The following ZFPM2 variants were observed in gnomAD, a reference collection of about 807,000 sequenced individuals.
ZFPM2 encodes the protein zinc finger protein, FOG family member 2, also known as zinc finger protein ZFPM2.
A neutral mutation model predicts 98.6 loss-of-function variants in ZFPM2; 20 were observed. The ratio of observed to expected loss-of-function variants is 0.20; its 90% CI spans 0.14 to 0.29. The LOEUF is 0.29. Among genes scored for constraint, ZFPM2 ranks in the 10% least tolerant of loss-of-function variants. The pLI, the probability that ZFPM2 is intolerant of heterozygous loss-of-function variation, is 1.00. For missense variants in ZFPM2, 1,310 were observed against 1,388.6 expected, an observed-to-expected ratio of 0.94 and a Z score of 0.90; for synonymous variants, 518 against 502.7, an observed-to-expected ratio of 1.03 and a Z score of -0.41.
At chr8:105,534,135 CT>C (rs1814385340) in intron 3 of ZFPM2, among the ~76,000 whole-genome samples, 1 of 70,186 alleles carries the variant, frequency 1.4e-5, no homozygotes, top group Admixed American at 1.4e-4. Context: ...TCCTCCCTTC[CT>C]TCCTTTCTTC....
intron 3 of ZFPM2, among the ~76,000 whole-genome samples, chr8:105,449,878 G>A (rs551645388): frequency 1.3e-5 from 2 of 152,106 alleles, no homozygotes; most frequent in East Asian, 3.9e-4. Flanking sequence ...TACCTGTGTG[G>A]CCATTACAAT....
intron 3 of ZFPM2, among the ~76,000 whole-genome samples, chr8:105,445,673 T>C (rs1479312926): frequency 2.0e-5 from 3 of 150,962 alleles, no homozygotes; most frequent in African/African-American, 7.3e-5. Flanking sequence ...GGCATGATCT[T>C]GGCTCACTGC....
chr8:105,586,002 G>GGT (rs142133685), intron 4 of ZFPM2, among the ~76,000 whole-genome samples: 22,655 of 142,370 alleles, frequency 0.16, 1,839 homozygotes, highest in Middle Eastern at 0.25. Flanking sequence ...GGGGGGAAGG[G>GGT]GTGTGTGTGT....
intron 3 of ZFPM2, among the ~76,000 whole-genome samples, chr8:105,514,079 TACA>T (rs985521765): frequency 3.4e-5 from 5 of 148,164 alleles, no homozygotes; most frequent in African/African-American, 1.2e-4. Context: ...CTCAGCTCAC[TACA>T]ACCTTTGCCT....
At chr8:105,767,911 G>C (rs921563926) in intron 5 of ZFPM2, among the ~76,000 whole-genome samples, 3 of 151,860 alleles carry the variant, frequency 2.0e-5, no homozygotes, top group African/African-American at 7.3e-5. Context: ...AATGTACACA[G>C]AACTGGGACA....
chr8:105,355,664 AGAG>A, intron 1 of ZFPM2, among the ~76,000 whole-genome samples: 1 of 152,272 alleles, frequency 6.6e-6, no homozygotes, highest in South Asian at 2.1e-4. Flanking sequence ...TGGATGGAAA[AGAG>A]GAAATGACAA....
chr8:105,584,935 G>T (rs2130750753), intron 4 of ZFPM2, among the ~76,000 whole-genome samples: 1 of 152,252 alleles, frequency 6.6e-6, no homozygotes, highest in African/African-American at 2.4e-5. Context: ...ACTGTGTAAT[G>T]AGAGAAGTGC....
chr8:105,477,402 G>T (rs1468682949), intron 3 of ZFPM2, among the ~76,000 whole-genome samples: 1 of 151,708 alleles, frequency 6.6e-6, no homozygotes, highest in Non-Finnish European at 1.5e-5. Context: ...CTGCCACCAT[G>T]CCTGGCTAAT....
At chr8:105,358,054 A>G (rs148095544) in intron 1 of ZFPM2, among the ~76,000 whole-genome samples, 62 of 152,308 alleles carry the variant, frequency 4.1e-4, no homozygotes, top group African/African-American at 1.4e-3. Flanking sequence ...CTTTACTTTC[A>G]CTTCAACCAA....
At chr8:105,401,713 A>T (rs998454059) in intron 1 of ZFPM2, among the ~76,000 whole-genome samples, 3 of 152,282 alleles carry the variant, frequency 2.0e-5, no homozygotes, top group African/African-American at 7.2e-5. Context: ...AACTATCAAA[A>T]CCATATCACT....
intron 3 of ZFPM2, among the ~76,000 whole-genome samples, chr8:105,480,406 T>C (rs138472366): frequency 1.1e-4 from 16 of 152,304 alleles, no homozygotes; most frequent in African/African-American, 3.6e-4. Context: ...CAAATATAAC[T>C]ATATCTAAAC....
intron 6 of ZFPM2, among the ~76,000 whole-genome samples, chr8:105,791,346 A>G (rs13257606): frequency 7.9e-5 from 12 of 152,308 alleles, no homozygotes; most frequent in Admixed American, 1.3e-4. Context: ...TATTGAGATA[A>G]TCATGTGGTT....
chr8:105,632,061 C>T (rs1299302930), intron 4 of ZFPM2, among the ~76,000 whole-genome samples: 1 of 152,096 alleles, frequency 6.6e-6, no homozygotes, highest in Non-Finnish European at 1.5e-5. Context: ...TCACTGAGTG[C>T]CCCCTGCATA....
intron 1 of ZFPM2, among the ~76,000 whole-genome samples, chr8:105,395,361 T>C (rs989757501): frequency 1.3e-5 from 2 of 152,240 alleles, no homozygotes; most frequent in African/African-American, 4.8e-5. Context: ...CTTTTTCTTA[T>C]ATTCTTGTAA....
intron 3 of ZFPM2, among the ~76,000 whole-genome samples, chr8:105,450,872 G>A (rs896759787): frequency 6.6e-6 from 1 of 151,994 alleles, no homozygotes; most frequent in Non-Finnish European, 1.5e-5. Flanking sequence ...ATGAAAGCCT[G>A]GCTCTTTGTA....
rs572774501 is a variant in ZFPM2, at chr8:105,556,182, T to G, written c.302-5181T>G. On this transcript the variant is annotated intron_variant, in intron 3 of 7. Coordinates refer to ENST00000407775, the MANE Select transcript of ZFPM2 (RefSeq NM_012082.4). ...AATGAATTGAGGCTGGTGGGTTGTC[T>G]ACATCTGAGTTGATGAAAACCTTAA... Among the ~76,000 whole-genome samples the G allele has an allele frequency of 3.3e-5, 5 of 152,268 alleles. No homozygotes were observed. In the South Asian group the frequency reaches 1.0e-3, roughly 32 times the overall value.
At chr8:105,387,127 C>G (rs1178231254) in intron 1 of ZFPM2, 1 of 152,432 alleles carries the variant, frequency 6.6e-6, no homozygotes, top group African/African-American at 2.4e-5. Context: ...TTCACAAACC[C>G]TGAGCTAGAC....
intron 4 of ZFPM2, among the ~76,000 whole-genome samples, chr8:105,569,784 C>T (rs1815316932): frequency 6.6e-6 from 1 of 152,082 alleles, no homozygotes; most frequent in African/African-American, 2.4e-5. Flanking sequence ...AAGTCTCATC[C>T]AGCCTCACAC....
At chr8:105,486,889 A>G (rs537671099) in intron 3 of ZFPM2, among the ~76,000 whole-genome samples, 1 of 152,324 alleles carries the variant, frequency 6.6e-6, no homozygotes. Context: ...ATGCTTAGCA[A>G]GGTTGTGATC....
Sources: allele counts gnomAD v4.1 joint callset (sites outside exome capture counted in the v4.1 genomes callset), GRCh38; gene constraint gnomAD v4.1.1; transcripts MANE v1.5; gene names NCBI Gene and HGNC (gene_info 2026-07-23, HGNC 2026-07-21).